The following HDAC9 variants were observed in gnomAD, a reference collection of about 807,000 sequenced individuals.
HDAC9 encodes the protein MEF-2 interacting transcription repressor (MITR) protein.
A neutral mutation model predicts 139.4 loss-of-function variants in HDAC9; 41 were observed. The ratio of observed to expected loss-of-function variants is 0.29; its 90% CI spans 0.23 to 0.38. The LOEUF (loss-of-function observed/expected upper bound fraction) is 0.38, where lower values mean the gene tolerates loss of function less well. HDAC9 is among the 10% of genes least tolerant of loss of function. The pLI is 1.00. For synonymous variants in HDAC9, 517 were observed against 476.2 expected, an observed-to-expected ratio of 1.09 and a Z score of -1.12; for missense variants, 1,147 against 1,297.0, an observed-to-expected ratio of 0.88 and a Z score of 1.78.
chr7:18,138,389 A>G (rs902319120), intron 1 of HDAC9, among the ~76,000 whole-genome samples: 1 of 152,134 alleles, frequency 6.6e-6, no homozygotes, highest in Non-Finnish European at 1.5e-5. Context: ...AATGAGATCT[A>G]GATTGCAAAT....
At chr7:18,547,127 C>T (rs1309339201) in intron 2 of HDAC9, among the ~76,000 whole-genome samples, 1 of 152,222 alleles carries the variant, frequency 6.6e-6, no homozygotes, top group Non-Finnish European at 1.5e-5. Flanking sequence ...TGCTAATGAT[C>T]ATCTTCACTG....
chr7:18,102,595 T>C (rs1432774553), intron 1 of HDAC9, among the ~76,000 whole-genome samples: 1 of 152,202 alleles, frequency 6.6e-6, no homozygotes, highest in Non-Finnish European at 1.5e-5. Context: ...AAAAAGCGAA[T>C]ACTACTCTGT....
At chr7:18,321,007 G>A (rs1562875224) in intron 1 of HDAC9, among the ~76,000 whole-genome samples, 1 of 152,134 alleles carries the variant, frequency 6.6e-6, no homozygotes, top group African/African-American at 2.4e-5. Flanking sequence ...TTTGTCTTAG[G>A]TTGAACATAT....
At chr7:18,793,267 C>G (rs888442054) in intron 16 of HDAC9, 78 bp from the exon 17 acceptor site, 1 of 972,248 alleles carries the variant, frequency 1.0e-6, no homozygotes, top group African/African-American at 1.6e-5. Flanking sequence ...GCGACCTCTT[C>G]CCCTTTTACC....
intron 23 of HDAC9, chr7:18,949,192 C>A: frequency 4.0e-6 from 1 of 251,980 alleles, no homozygotes; most frequent in South Asian, 4.5e-5. Flanking sequence ...GCTGGAGTAT[C>A]TTATATAGAT....
At chr7:18,569,061 A>C (rs1343280546) in intron 2 of HDAC9, among the ~76,000 whole-genome samples, 1 of 147,822 alleles carries the variant, frequency 6.8e-6, no homozygotes, top group Non-Finnish European at 1.5e-5. Context: ...AAAATAAATA[A>C]ATAAATAAAA....
intron 2 of HDAC9, among the ~76,000 whole-genome samples, chr7:18,579,531 T>C (rs2128772829): frequency 6.6e-6 from 1 of 152,278 alleles, no homozygotes; most frequent in Non-Finnish European, 1.5e-5. Context: ...CAGAGTAACA[T>C]TTGTATATCG....
chr7:18,710,673 C>CT (rs1207780342), intron 12 of HDAC9, among the ~76,000 whole-genome samples: 21 of 152,282 alleles, frequency 1.4e-4, no homozygotes, highest in Admixed American at 9.8e-4. Context: ...AGAGGGTTGG[C>CT]ATTCATACCT....
At chr7:18,419,134 T>G (rs1789376773) in intron 1 of HDAC9, among the ~76,000 whole-genome samples, 1 of 152,184 alleles carries the variant, frequency 6.6e-6, no homozygotes, top group African/African-American at 2.4e-5. Flanking sequence ...GAGATGTATT[T>G]TTAATTTTCA....
chr7:18,567,472 G>C (rs541847518), intron 2 of HDAC9, among the ~76,000 whole-genome samples: 2 of 152,150 alleles, frequency 1.3e-5, no homozygotes, highest in East Asian at 3.9e-4. Flanking sequence ...TTAAAAGCTT[G>C]AACTTAAAAT....
intron 17 of HDAC9, among the ~76,000 whole-genome samples, chr7:18,816,893 C>T (rs1794599878): frequency 6.6e-6 from 1 of 152,026 alleles, no homozygotes; most frequent in African/African-American, 2.4e-5. Flanking sequence ...GAAGCAGTCA[C>T]ATATAAATGA....
At chr7:18,372,625 C>G (rs1330463572) in intron 1 of HDAC9, among the ~76,000 whole-genome samples, 1 of 152,174 alleles carries the variant, frequency 6.6e-6, no homozygotes, top group Non-Finnish European at 1.5e-5. Flanking sequence ...TTATTATTTT[C>G]TGCAAATTTT....
chr7:18,337,581 C>T (rs2128656319), intron 1 of HDAC9, among the ~76,000 whole-genome samples: 1 of 151,824 alleles, frequency 6.6e-6, no homozygotes, highest in East Asian at 1.9e-4. Flanking sequence ...ATCTTCCTTG[C>T]AAGGGCACTT....
chr7:18,725,196 T>G (rs1785445886), intron 12 of HDAC9, among the ~76,000 whole-genome samples: 1 of 151,972 alleles, frequency 6.6e-6, no homozygotes, highest in African/African-American at 2.4e-5. Context: ...CAGAAAAAAA[T>G]GAATCTAATC....
intron 2 of HDAC9, among the ~76,000 whole-genome samples, chr7:18,227,577 T>C (rs1303075166): frequency 6.6e-6 from 1 of 152,110 alleles, no homozygotes; most frequent in Non-Finnish European, 1.5e-5. Context: ...CATTCTTAGG[T>C]GCAGATAAAG....
At chr7:18,911,493 T>G (rs971559039) in intron 22 of HDAC9, among the ~76,000 whole-genome samples, 2 of 151,922 alleles carry the variant, frequency 1.3e-5, no homozygotes, top group Non-Finnish European at 2.9e-5. Flanking sequence ...ATCTTTTGTA[T>G]TTTTTGGTCT....
At chr7:18,987,773 ACTT>A (rs1365908428) in intron 25 of HDAC9, among the ~76,000 whole-genome samples, 1 of 152,068 alleles carries the variant, frequency 6.6e-6, no homozygotes, top group Non-Finnish European at 1.5e-5. Context: ...CAGAGATTCA[ACTT>A]CTTCCTGGTT....
rs532517217 is a variant in HDAC9 at position 18,308,888 on chromosome 7, A to G, written c.-42+18373A>G. Among the ~76,000 whole-genome samples the G allele has an allele frequency of 2.6e-5, 4 of 152,318 alleles. No individual in the cohort carries two copies. In the East Asian group the frequency reaches 7.7e-4, roughly 29 times the overall value. On this transcript the variant is annotated intron_variant, in intron 1 of 3. Coordinates refer to the HDAC9 transcript ENST00000413509. ...GTTGAATGATCCCTTCTTCAGATCCACTTTATGATGCAGGCTTTACCTGTG... is the reference window on the plus strand; with the variant it reads ...GTTGAATGATCCCTTCTTCAGATCCGCTTTATGATGCAGGCTTTACCTGTG...
rs145803299 is a variant in HDAC9, at chr7:18,112,410, C to CA, written c.-97+25204dup. On this transcript the variant is annotated intron_variant, in intron 1 of 12. Transcript: ENST00000417496. ...TACAACAATTACATTGTGAATGGCA[C>CA]AAAAAAATCGAGGAAATGGTCTTTC... Among the ~76,000 whole-genome samples the CA allele has an allele frequency of 2.2e-3, 339 of 152,100 alleles. 4 individuals carry two copies. Among genetic ancestry groups the CA allele is most frequent in the African/African-American group, 7.9e-3 (327 of 41,490 alleles).
Sources: allele counts gnomAD v4.1 joint callset (sites outside exome capture counted in the v4.1 genomes callset), GRCh38; gene constraint gnomAD v4.1.1; transcripts MANE v1.5; gene names NCBI Gene and HGNC (gene_info 2026-07-23, HGNC 2026-07-21).